ADRA2B: variants seen among roughly 807,000 people sequenced by gnomAD.
ADRA2B encodes alpha-2B adrenergic receptor.
In ADRA2B, 14 loss-of-function variants were observed where a neutral mutation model predicts 14.4. The observed-to-expected ratio is 0.97, with a 90% confidence interval of 0.64 to 1.52. The LOEUF is 1.52. Among genes scored for constraint, ADRA2B ranks in the 40% most tolerant of loss-of-function variants. ADRA2B has a pLI of 0.00. For synonymous variants in ADRA2B, 250 were observed against 263.7 expected, an observed-to-expected ratio of 0.95 and a Z score of 0.50; for missense variants, 606 against 603.2, an observed-to-expected ratio of 1.00 and a Z score of -0.05.
rs1402610662 is a variant in ADRA2B at position 96,115,291 on chromosome 2, C to T, written c.859G>A (p.Gly287Ser). The T allele has an allele frequency of 1.3e-6, 2 of 1,580,290 alleles. No homozygotes were observed. Among genetic ancestry groups the T allele is most frequent in the Non-Finnish European group, 8.6e-7 (1 of 1,162,632 alleles). The change falls in exon 1 of 1, where the codon GGT (glycine) becomes AGT (serine). Residue 287 changes from glycine (G) to serine (S), a missense_variant. By Grantham distance (56) the Gly-to-Ser change is moderately conservative. Coordinates refer to ENST00000620793, the MANE Select transcript of ADRA2B (RefSeq NM_000682.7). ...LPNSGQGQKE[G>S]VCGASPEDEA... ...TCCTCTGGAGATGCCCCACAAACAC[C>T]CTCCTTCTGGCCCTGGCCTGAGTTG...
chr2:96,116,256 C>A lies in ADRA2B; in HGVS notation c.-107G>T. The A allele has an allele frequency of 9.7e-7, 1 of 1,029,764 alleles. No homozygotes were observed. The highest frequency in any genetic ancestry group is 2.6e-5 in the East Asian group (1 of 38,300). 63.8% of individuals were successfully genotyped at this position (1,029,764 alleles called of 1,614,324 possible). ...AAGAGCGTCGCCCCTCGGGCGGCGC[C>A]GAGGGCGCTGGAGCCCCATGGCCTG... On this transcript the variant is annotated 5_prime_UTR_variant, in exon 1 of 1. Coordinates refer to ENST00000620793, the MANE Select transcript of ADRA2B (RefSeq NM_000682.7).
rs1276496565 is a variant in ADRA2B at position 96,114,722 on chromosome 2, C to CCA, written c.*73_*74dup. 1 of 1,502,318 alleles carries CCA rather than the reference C, an allele frequency of 6.7e-7. No homozygotes were observed. Among genetic ancestry groups the CCA allele is most frequent in the African/African-American group, 1.4e-5 (1 of 72,336 alleles). 93.1% of individuals were successfully genotyped at this position (1,502,318 alleles called of 1,614,324 possible). On this transcript the variant is annotated 3_prime_UTR_variant, in exon 1 of 1. Coordinates refer to ENST00000620793, the MANE Select transcript of ADRA2B (RefSeq NM_000682.7). ...GGAGCAGAAAGCCCAGGGGAGGCAG[C>CCA]CACACACAGCAGGGCAAGAAGCAGG... is the stretch of plus-strand genomic sequence containing the variant.
Position 96,114,142 on chromosome 2 carries a change from G to C in ADRA2B, c.*655C>G, listed in dbSNP as rs995873107. 98 of 985,610 alleles carry C rather than the reference G, an allele frequency of 9.9e-5. No individual in the cohort carries two copies. The highest frequency in any genetic ancestry group is 3.5e-4 in the African/African-American group (20 of 57,238). The allele number at this position is 985,610 out of a possible 1,614,324, so 61.1% of individuals were successfully genotyped here. On this transcript the variant is annotated 3_prime_UTR_variant, in exon 1 of 1. Coordinates refer to ENST00000620793, the MANE Select transcript of ADRA2B (RefSeq NM_000682.7). ...CACGTGGCCACCCACCTACCGGAGG[G>C]GTGCTGGGTAAGGAAGCCGATCCAT... is the stretch of plus-strand genomic sequence containing the variant.
Position 96,116,094 on chromosome 2 carries a change from A to T in ADRA2B, c.56T>A (p.Ile19Asn), listed in dbSNP as rs769476609. 1 of 1,612,012 alleles carries T rather than the reference A, an allele frequency of 6.2e-7. No individual in the cohort carries two copies. Among genetic ancestry groups the T allele is most frequent in the Admixed American group, 1.7e-5 (1 of 59,916 alleles). The stretch of plus-strand genomic sequence containing the variant: ...GATGGTAAAGAGAATGAGGAAGGTG[A>T]TGGCCGCCGCTATGGCCGCTGTGGC... ...VQATAAIAAAITFLILFTIFG... is the reference protein window; with the variant it reads ...VQATAAIAAANTFLILFTIFG... The change falls in exon 1 of 1, where the codon ATC becomes AAC. Residue 19 changes from isoleucine to asparagine, a missense_variant. Transcript: ENST00000620793.
rs1192251506 is a variant in ADRA2B, at chr2:96,115,629, A to C, written c.521T>G (p.Leu174Arg). 6.2e-7 allele frequency: 1 copy of C among 1,613,872 alleles called. No homozygotes were observed. The highest frequency in any genetic ancestry group is 2.2e-5 in the East Asian group (1 of 44,870). The stretch of plus-strand genomic sequence containing the variant: ...AAAGAAAGATCCGATGCTGGAGGCC[A>C]GGATGTACCAGGCCTCCTGGTTGAG... ...CKLNQEAWYILASSIGSFFAP... is the reference protein window; with the variant it reads ...CKLNQEAWYIRASSIGSFFAP... Residue 174 changes from leucine (L) to arginine (R), a missense_variant, in exon 1 of 1, where the codon CTG (leucine) becomes CGG (arginine). Physicochemically the swap from Leu to Arg is moderately radical, Grantham distance 102. Coordinates refer to ENST00000620793, the MANE Select transcript of ADRA2B (RefSeq NM_000682.7).
chr2:96,114,547 C>T lies in ADRA2B; in HGVS notation c.*250G>A, dbSNP rs924021791. ...CTATGTTCCAGAGGATTTGAACCAC[C>T]TCCATCGGCCTGTGCTCAGGGAGAG... is the stretch of plus-strand genomic sequence containing the variant. On this transcript the variant is annotated 3_prime_UTR_variant, in exon 1 of 1. Transcript: ENST00000620793. 5 of 1,358,546 alleles carry T rather than the reference C, an allele frequency of 3.7e-6. No individual in the cohort carries two copies. Among genetic ancestry groups the T allele is most frequent in the South Asian group, 3.5e-5 (2 of 57,818 alleles). The allele number at this position is 1,358,546 out of a possible 1,614,324, so 84.2% of individuals were successfully genotyped here.
Position 96,115,127 on chromosome 2 carries a change from G to A in ADRA2B, c.1023C>T (p.Gly341=). 1.2e-6 allele frequency: 2 copies of A among 1,605,976 alleles called. No individual in the cohort carries two copies. Among genetic ancestry groups the A allele is most frequent in the Non-Finnish European group, 1.7e-6 (2 of 1,176,440 alleles). Residue 341 remains glycine (G), a synonymous_variant, in exon 1 of 1, where the codon GGC becomes GGT. Coordinates refer to ENST00000620793, the MANE Select transcript of ADRA2B (RefSeq NM_000682.7). The stretch of plus-strand genomic sequence containing the variant: ...CCACGCCCCTGCCCAGGAGCACCTG[G>A]CCACGTAGGGTGGCCAGCACCCGGG... The part of the protein sequence containing the change: ...QGSRVLATLR[G]QVLLGRGVGA...
In ADRA2B at chr2:96,115,844, G is replaced by C; in HGVS notation, c.306C>G (p.His102Gln). The C allele has an allele frequency of 1.2e-6, 2 of 1,613,456 alleles. No homozygotes were observed. ...AGCGGTCCAGGCTGATGGCGCACAG[G>C]TGCACGATGGACGAGGTGCAGAAGA... is the stretch of plus-strand genomic sequence containing the variant. Reference protein sequence around the residue: ...DVLFCTSSIVHLCAISLDRYW... With the variant: ...DVLFCTSSIVQLCAISLDRYW... Residue 102 changes from histidine to glutamine, a missense_variant, in exon 1 of 1, where the codon CAC becomes CAG. Transcript: ENST00000620793.
At position 96,113,791 on chromosome 2, in the gene ADRA2B, T is replaced by C. The variant is rs910215044; in HGVS notation, c.*1006A>G. ...ACATTCTCAAAGAGATCCTTTAACT[T>C]GAAATAGTGATTCTGTCTGCCACTC... On this transcript the variant is annotated 3_prime_UTR_variant, in exon 1 of 1. Transcript: ENST00000620793. The C allele has an allele frequency of 1.8e-6, 1 of 565,172 alleles. No homozygotes were observed. The highest frequency in any genetic ancestry group is 2.2e-6 in the Non-Finnish European group (1 of 446,030). 35.0% of individuals were successfully genotyped at this position (565,172 alleles called of 1,614,324 possible).
rs36097995 is a variant in ADRA2B at position 96,115,478 on chromosome 2, G to C, written c.672C>G (p.Asp224Glu). Residue 224 changes from aspartate to glutamate, a missense_variant, in exon 1 of 1, where the codon GAC becomes GAG. Coordinates refer to ENST00000620793, the MANE Select transcript of ADRA2B (RefSeq NM_000682.7). ...TGGCTGAGGCCAAAGCCCCACCATG[G>C]TCGGGTCGGGGCTGCTTGGACTCAC... ...GQGESKQPRP[D>E]HGGALASAKL... 1.2e-6 allele frequency: 2 copies of C among 1,613,482 alleles called. No homozygotes were observed. Among genetic ancestry groups the C allele is most frequent in the South Asian group, 2.2e-5 (2 of 91,082 alleles).
At position 96,115,855 on chromosome 2, in the gene ADRA2B, A is replaced by C; in HGVS notation, c.295T>G (p.Ser99Ala). ...CTGATGGCGCACAGGTGCACGATGG[A>C]CGAGGTGCAGAAGAGCACGTCGAGC... ...LALDVLFCTS[S>A]IVHLCAISLD... Residue 99 changes from serine (S) to alanine (A), a missense_variant, in exon 1 of 1, where the codon TCC (serine) becomes GCC (alanine). Coordinates refer to ENST00000620793, the MANE Select transcript of ADRA2B (RefSeq NM_000682.7). 1 of 1,613,400 alleles carries C rather than the reference A, an allele frequency of 6.2e-7. No homozygotes were observed.
Position 96,115,349 on chromosome 2 carries a change from G to T in ADRA2B, c.801C>A (p.Thr267=). The part of the protein sequence containing the change: ...EEGETPEDTG[T]RALPPSWAAL... The stretch of plus-strand genomic sequence containing the variant: ...CAGCCCAACTGGGTGGCAAGGCCCG[G>T]GTCCCAGTATCTTCAGGGGTCTCCC... The change falls in exon 1 of 1, where the codon ACC becomes ACA. Residue 267 remains threonine, a synonymous_variant. Transcript: ENST00000620793. 1 of 1,604,450 alleles carries T rather than the reference G, an allele frequency of 6.2e-7. No individual in the cohort carries two copies. Among genetic ancestry groups the T allele is most frequent in the South Asian group, 1.1e-5 (1 of 90,282 alleles).
chr2:96,116,155 G>C lies in ADRA2B; in HGVS notation c.-6C>G. The C allele has an allele frequency of 6.2e-7, 1 of 1,604,760 alleles. No individual in the cohort carries two copies. ...TAGGGGTCCTGGTGGTCCATGACGG[G>C]GCGGGAGGTGGGCAGAGGGAGCGCT... On this transcript the variant is annotated 5_prime_UTR_variant, in exon 1 of 1. Coordinates refer to ENST00000620793, the MANE Select transcript of ADRA2B (RefSeq NM_000682.7).
In ADRA2B at chr2:96,113,330, G is replaced by A. The variant is rs1681792345; in HGVS notation, c.*1467C>T. 7.6e-6 allele frequency: 3 copies of A among 393,438 alleles called. No individual in the cohort carries two copies. Among genetic ancestry groups the A allele is most frequent in the Non-Finnish European group, 1.3e-5 (3 of 223,410 alleles). 24.4% of individuals were successfully genotyped at this position (393,438 alleles called of 1,614,324 possible). On this transcript the variant is annotated 3_prime_UTR_variant, in exon 1 of 1. Transcript: ENST00000620793. ...CCAACTGTTCTGGGTGCCAGGTTTTGGGGTGGGACTGAGAACCAGGAAGCA... is the reference window on the plus strand; with the variant it reads ...CCAACTGTTCTGGGTGCCAGGTTTTAGGGTGGGACTGAGAACCAGGAAGCA...
chr2:96,116,523 C>T lies in ADRA2B; in HGVS notation c.-374G>A, dbSNP rs984751743. Among the ~76,000 whole-genome samples the T allele has an allele frequency of 6.6e-6, 1 of 152,046 alleles. No individual in the cohort carries two copies. The highest frequency in any genetic ancestry group is 2.4e-5 in the African/African-American group (1 of 41,392). On this transcript the variant is annotated 5_prime_UTR_variant, in exon 1 of 1. Transcript: ENST00000620793. ...CTTAAAGGAGGCGCGGAGGACCTTG[C>T]GCCCGCTCAGCTCGCAGGCTTTCGC...
rs1299710020 is a variant in ADRA2B at position 96,114,009 on chromosome 2, G to A, written c.*788C>T. On this transcript the variant is annotated 3_prime_UTR_variant, in exon 1 of 1. Coordinates refer to ENST00000620793, the MANE Select transcript of ADRA2B (RefSeq NM_000682.7). Reference sequence around the variant, plus strand: ...GCCTTTCATCTCCCTGCAGCAAGTAGGCAGTGAGCTATTGTCGCCCCGATT... The same window carrying A: ...GCCTTTCATCTCCCTGCAGCAAGTAAGCAGTGAGCTATTGTCGCCCCGATT... 1 of 985,762 alleles carries A rather than the reference G, an allele frequency of 1.0e-6. No homozygotes were observed. The highest frequency in any genetic ancestry group is 1.2e-6 in the Non-Finnish European group (1 of 829,944). 61.1% of individuals were successfully genotyped at this position (985,762 alleles called of 1,614,324 possible). A position where few individuals can be genotyped will look rare whatever the true frequency, so the allele number is the denominator to read the frequency against.
At position 96,115,894 on chromosome 2, in the gene ADRA2B, C is replaced by T. The variant is rs758303353; in HGVS notation, c.256G>A (p.Glu86Lys). 1 of 1,613,428 alleles carries T rather than the reference C, an allele frequency of 6.2e-7. No individual in the cohort carries two copies. Among genetic ancestry groups the T allele is most frequent in the Non-Finnish European group, 8.5e-7 (1 of 1,179,726 alleles). The change falls in exon 1 of 1, where the codon GAG becomes AAG. Residue 86 changes from glutamate to lysine, a missense_variant. Physicochemically the swap from Glu to Lys is moderately conservative, Grantham distance 56 (BLOSUM62 1). Transcript: ENST00000620793. ...AGCACGTCGAGCGCCAGGTACACCT[C>T]GCACCACGTGCGCCGGAAGTACCAG... ...GYWYFRRTWC[E>K]VYLALDVLFC...
At position 96,115,257 on chromosome 2, in the gene ADRA2B, T is replaced by C. The variant is rs967663040; in HGVS notation, c.893A>G (p.Glu298Gly). The change falls in exon 1 of 1, where the codon GAA becomes GGA. Residue 298 changes from glutamate (E) to glycine (G), a missense_variant. Glu to Gly is a moderately conservative substitution (Grantham distance 98). Transcript: ENST00000620793. ...VCGASPEDEA[E>G]EEEEEEEEEE... is the part of the protein sequence containing the mutation. The stretch of plus-strand genomic sequence containing the variant: ...CTCCTCCTCCTCCTCTTCCTCCTCT[T>C]CAGCTTCATCCTCTGGAGATGCCCC... 4.5e-6 allele frequency: 7 copies of C among 1,562,776 alleles called. No homozygotes were observed. In the Middle Eastern group the frequency reaches 6.7e-4, roughly 149 times the overall value.
chr2:96,115,962 G>C lies in ADRA2B; in HGVS notation c.188C>G (p.Thr63Arg). The C allele has an allele frequency of 1.2e-6, 2 of 1,613,834 alleles. No homozygotes were observed. Among genetic ancestry groups the C allele is most frequent in the South Asian group, 1.1e-5 (1 of 91,072 alleles). ...GGCCAGCGAGAAAGGGATGATGAGC[G>C]TGGCCACCAGGATGTCGGCGGCGGC... ...SLAAADILVATLIIPFSLANE... is the reference protein window; with the variant it reads ...SLAAADILVARLIIPFSLANE... The change falls in exon 1 of 1, where the codon ACG becomes AGG. Residue 63 changes from threonine (T) to arginine (R), a missense_variant. Transcript: ENST00000620793.
Sources: gnomAD v4.1 joint callset for allele counts (sites outside exome capture counted in the v4.1 genomes callset) on GRCh38, gnomAD v4.1.1 for gene constraint, MANE v1.5 for transcripts, NCBI Gene and HGNC (gene_info 2026-07-23, HGNC 2026-07-21) for gene names.